The following PPP2R5D variants were observed in gnomAD, a reference collection of about 807,000 sequenced individuals.
PPP2R5D encodes serine/threonine-protein phosphatase 2A 56 kDa regulatory subunit delta isoform.
Under a neutral mutation model 79.1 loss-of-function variants are expected in PPP2R5D, and 12 were observed. That is an observed-to-expected ratio of 0.15 (90% CI 0.10 to 0.25). The LOEUF is 0.25. Ranked by LOEUF, PPP2R5D falls within the 10% of genes least tolerant of loss-of-function variation. The probability of loss-of-function intolerance (pLI) is 1.00; values close to 1 mark genes in which losing one functional copy is unlikely to be tolerated. For missense variants in PPP2R5D, 419 were observed against 760.2 expected (o/e 0.55, Z 5.28); for synonymous variants, 277 against 286.6 (o/e 0.97, Z 0.34).
Position 43,012,293 on chromosome 6 carries a change from G to C in PPP2R5D, c.*1007G>C. On this transcript the variant is annotated 3_prime_UTR_variant, in exon 16 of 16. Transcript: ENST00000485511. ...ATACATGCTAAGGTGGGTTGGGCTTGGACCGATGTCCCCATATGTACAGAA... is the reference window on the plus strand; with the variant it reads ...ATACATGCTAAGGTGGGTTGGGCTTCGACCGATGTCCCCATATGTACAGAA... 1 of 1,383,328 alleles carries C rather than the reference G, an allele frequency of 7.2e-7. No individual in the cohort carries two copies. Among genetic ancestry groups the C allele is most frequent in the Non-Finnish European group, 9.4e-7 (1 of 1,067,570 alleles). 85.7% of individuals were successfully genotyped at this position (1,383,328 alleles called of 1,614,324 possible).
rs1770682444 is a variant in PPP2R5D, at chr6:42,984,624, A to AAGCCGG, written c.-44_-39dup. 15 of 1,563,658 alleles carry AAGCCGG rather than the reference A, an allele frequency of 9.6e-6. No individual in the cohort carries two copies. The highest frequency in any genetic ancestry group is 1.3e-5 in the Non-Finnish European group (15 of 1,156,172). On this transcript the variant is annotated 5_prime_UTR_variant, in exon 1 of 16. Coordinates refer to ENST00000485511, the MANE Select transcript of PPP2R5D (RefSeq NM_006245.4). ...CGAGCGGGCCGAGTGCGGCCGAGCA[A>AAGCCGG]AGCCGGAGCCGGAGCGGGGCCGCAG...
rs1771081899 is a variant in PPP2R5D, at chr6:42,989,277, T to G, written c.28-334T>G. ...CCAGTGAGCAGCTGTTCCCTGATGC[T>G]TTTTCTTTAAGCCTCCTCACCCTGG... On this transcript the variant is annotated intron_variant, in intron 1 of 15. Coordinates refer to ENST00000485511, the MANE Select transcript of PPP2R5D (RefSeq NM_006245.4). 1.3e-5 allele frequency among the ~76,000 whole-genome samples: 2 copies of G among 152,160 alleles called. 1 individual carries two copies. The highest frequency in any genetic ancestry group is 4.1e-4 in the South Asian group (2 of 4,824).
intron 2 of PPP2R5D, among the ~76,000 whole-genome samples, chr6:42,995,554 A>G (rs1248575706): frequency 7.2e-6 from 1 of 139,160 alleles, no homozygotes; most frequent in Non-Finnish European, 1.5e-5. Context: ...ACTCATGTTT[A>G]TTCTTTTTTT....
chr6:43,006,375 C>T lies in PPP2R5D; in HGVS notation c.106-88C>T, dbSNP rs956829158. ...CAGCTGCTCACTGCCCAGGCCTGTG[C>T]AGGCATAAACAGACTTGGGGATGGC... On this transcript the variant is annotated intron_variant, in intron 2 of 15. Coordinates refer to ENST00000485511, the MANE Select transcript of PPP2R5D (RefSeq NM_006245.4). The surrounding 1 kb of genome is among the most constrained non-coding windows in gnomAD (Gnocchi z 4.7). 538 of 1,524,390 alleles carry T rather than the reference C, an allele frequency of 3.5e-4. No individual in the cohort carries two copies. The highest frequency in any genetic ancestry group is 4.6e-4 in the Non-Finnish European group (521 of 1,135,828). 94.4% of individuals were successfully genotyped at this position (1,524,390 alleles called of 1,614,324 possible).
chr6:43,003,926 G>A (rs181827532), intron 2 of PPP2R5D, among the ~76,000 whole-genome samples: 3 of 151,672 alleles, frequency 2.0e-5, no homozygotes, highest in African/African-American at 7.3e-5. Flanking sequence ...AGTAGAGACG[G>A]GGTGGATGGT....
intron 2 of PPP2R5D, among the ~76,000 whole-genome samples, chr6:43,003,256 C>T (rs1241449013): frequency 6.6e-6 from 1 of 151,956 alleles, no homozygotes. Context: ...AACCCCATCT[C>T]TACAAAAAAT....
intron 2 of PPP2R5D, among the ~76,000 whole-genome samples, chr6:42,999,437 G>A (rs1255809352): frequency 6.6e-6 from 1 of 152,210 alleles, no homozygotes; most frequent in Admixed American, 6.5e-5. Context: ...GCTCAGTGGG[G>A]TAGGGGGCAG....
intron 1 of PPP2R5D, among the ~76,000 whole-genome samples, chr6:42,989,282 C>G (rs1771082086): frequency 6.6e-6 from 1 of 152,128 alleles, no homozygotes; most frequent in Non-Finnish European, 1.5e-5. Flanking sequence ...GATGCTTTTT[C>G]TTTAAGCCTC....
At position 43,009,751 on chromosome 6, in the gene PPP2R5D, T is replaced by C. The variant is rs922074013; in HGVS notation, c.1379+302T>C. Among the ~76,000 whole-genome samples, 2 of 152,148 alleles carry C rather than the reference T, an allele frequency of 1.3e-5. No homozygotes were observed. The highest frequency in any genetic ancestry group is 2.9e-5 in the Non-Finnish European group (2 of 68,034). On this transcript the variant is annotated intron_variant, in intron 12 of 15. Coordinates refer to ENST00000485511, the MANE Select transcript of PPP2R5D (RefSeq NM_006245.4). This position sits in a 1 kb window ranked among gnomAD's most constrained non-coding sequence, Gnocchi z 5.6. ...GCAGTGAGAAGCTGATGTGACCTTCTTTGAGAGTATGTGTAAAGAATCCCA... is the reference window on the plus strand; with the variant it reads ...GCAGTGAGAAGCTGATGTGACCTTCCTTGAGAGTATGTGTAAAGAATCCCA...
chr6:43,002,555 T>A (rs1761803103), intron 2 of PPP2R5D, among the ~76,000 whole-genome samples: 1 of 152,050 alleles, frequency 6.6e-6, no homozygotes, highest in South Asian at 2.1e-4. Flanking sequence ...TTTCTCTTAC[T>A]ACCACTTCCC....
At chr6:42,999,960 G>A (rs891126508) in intron 2 of PPP2R5D, among the ~76,000 whole-genome samples, 1 of 151,544 alleles carries the variant, frequency 6.6e-6, no homozygotes, top group African/African-American at 2.4e-5. Flanking sequence ...TTTTGAGATG[G>A]AGTCTTGCTC....
At position 43,008,824 on chromosome 6, in the gene PPP2R5D, A is replaced by G. The variant is rs1396031776; in HGVS notation, c.1080+78A>G. On this transcript the variant is annotated intron_variant, in intron 10 of 15. Transcript: ENST00000485511. The surrounding 1 kb of genome is among the most constrained non-coding windows in gnomAD (Gnocchi z 4.2). ...CCAGTCTGTACCTACTGGGGGTGCC[A>G]TAAGGGGGAACTCAGGAGGGCTGTG... 2.7e-6 allele frequency: 4 copies of G among 1,505,898 alleles called. No individual in the cohort carries two copies. Among genetic ancestry groups the G allele is most frequent in the Admixed American group, 3.6e-5 (2 of 55,734 alleles). 93.3% of individuals were successfully genotyped at this position (1,505,898 alleles called of 1,614,324 possible).
rs749626379 is a variant in PPP2R5D at position 43,009,218 on chromosome 6, C to A, written c.1242C>A (p.Pro414=). The change falls in exon 11 of 16, where the codon CCC becomes CCA. Residue 414 remains proline (P), a synonymous_variant. Transcript: ENST00000485511. The surrounding 1 kb of genome is among the most constrained non-coding windows in gnomAD (Gnocchi z 5.6). ...AGCTGGCCAAGTGTGTCTCTAGCCC[C>A]CATTTCCAGGTGAGACTCCAACCTA... ...FRQLAKCVSS[P]HFQVAERALY... 3 of 1,614,020 alleles carry A rather than the reference C, an allele frequency of 1.9e-6. No individual in the cohort carries two copies. The highest frequency in any genetic ancestry group is 2.5e-6 in the Non-Finnish European group (3 of 1,180,034).
At position 43,007,437 on chromosome 6, in the gene PPP2R5D, T is replaced by G; in HGVS notation, c.657T>G (p.Arg219=). The G allele has an allele frequency of 6.2e-7, 1 of 1,613,624 alleles. No homozygotes were observed. The highest frequency in any genetic ancestry group is 8.5e-7 in the Non-Finnish European group (1 of 1,179,512). ...HLQLVYEFFL[R]FLESPDFQPN... Reference sequence around the variant, plus strand: ...AGCTCGTGTATGAGTTCTTCTTACGTTTCCTTGAGTCTCCTGATTTCCAGC... The same window carrying G: ...AGCTCGTGTATGAGTTCTTCTTACGGTTCCTTGAGTCTCCTGATTTCCAGC... Residue 219 remains arginine, a synonymous_variant, in exon 6 of 16, where the codon CGT becomes CGG. Coordinates refer to ENST00000485511, the MANE Select transcript of PPP2R5D (RefSeq NM_006245.4). The surrounding 1 kb of genome is among the most constrained non-coding windows in gnomAD (Gnocchi z 4.5).
chr6:42,986,284 G>A (rs1770840236), intron 1 of PPP2R5D, among the ~76,000 whole-genome samples: 1 of 152,116 alleles, frequency 6.6e-6, no homozygotes, highest in Non-Finnish European at 1.5e-5. Flanking sequence ...TCCTCTCCTG[G>A]GGCTGGCCCT....
rs748788574 is a variant in PPP2R5D, at chr6:43,011,237, C to A, written c.1760C>A (p.Ala587Glu). 3 of 1,614,084 alleles carry A rather than the reference C, an allele frequency of 1.9e-6. 1 individual carries two copies. The East Asian group carries it at 6.7e-5, about 36-fold the overall frequency. ...QDVYTIKALE[A>E]HKRAEEFLTA... ...GTGTACACCATCAAGGCACTGGAGGCGCACAAGCGGGCGGAAGAGTTCCTA... is the reference window on the plus strand; with the variant it reads ...GTGTACACCATCAAGGCACTGGAGGAGCACAAGCGGGCGGAAGAGTTCCTA... Residue 587 changes from alanine (A) to glutamate (E), a missense_variant, in exon 16 of 16, where the codon GCG (alanine) becomes GAG (glutamate). This residue lies in a region of PPP2R5D where 84 missense variants were observed against 105.4 expected (regional missense o/e 0.80). Coordinates refer to ENST00000485511, the MANE Select transcript of PPP2R5D (RefSeq NM_006245.4).
Position 43,011,189 on chromosome 6 carries a change from G to T in PPP2R5D, c.1712G>T (p.Arg571Met). ...DIKKEKVLLR[R>M]KSELPQDVYT... ...AAGAAGGAGAAAGTGCTGCTGCGGA[G>T]GAAGTCGGAGCTGCCCCAGGACGTG... is the stretch of plus-strand genomic sequence containing the variant. The change falls in exon 16 of 16, where the codon AGG becomes ATG. Residue 571 changes from arginine (R) to methionine (M), a missense_variant. Around this residue, in one of 5 missense-constraint regions of PPP2R5D, gnomAD observed 84 missense variants for 105.4 expected, o/e 0.80. Coordinates refer to ENST00000485511, the MANE Select transcript of PPP2R5D (RefSeq NM_006245.4). 6.2e-7 allele frequency: 1 copy of T among 1,614,146 alleles called. No homozygotes were observed.
At position 43,006,581 on chromosome 6, in the gene PPP2R5D, CAG is replaced by C. The variant is rs1478715149; in HGVS notation, c.225_226del (p.Gly77AlafsTer53). ...ACGCAGCTCAGCAAAATCAAGTACT[CAG>C]GGGGGCCCCAGATTGTCAAGAAGGA... On this transcript the variant is annotated frameshift_variant, in exon 3 of 16. Coordinates refer to ENST00000485511, the MANE Select transcript of PPP2R5D (RefSeq NM_006245.4). LOFTEE classifies it high-confidence loss of function. This position sits in a 1 kb window ranked among gnomAD's most constrained non-coding sequence, Gnocchi z 4.7. The C allele has an allele frequency of 3.1e-6, 5 of 1,614,036 alleles. No individual in the cohort carries two copies. Among genetic ancestry groups the C allele is most frequent in the Non-Finnish European group, 4.2e-6 (5 of 1,180,042 alleles).
Position 43,008,102 on chromosome 6 carries a change from C to T in PPP2R5D, c.857+37C>T, listed in dbSNP as rs780121115. The T allele has an allele frequency of 1.2e-6, 2 of 1,612,424 alleles. No individual in the cohort carries two copies. Among genetic ancestry groups the T allele is most frequent in the East Asian group, 2.2e-5 (1 of 44,882 alleles). On this transcript the variant is annotated intron_variant, in intron 7 of 15. Coordinates refer to ENST00000485511, the MANE Select transcript of PPP2R5D (RefSeq NM_006245.4). The surrounding 1 kb of genome is among the most constrained non-coding windows in gnomAD (Gnocchi z 4.2). The stretch of plus-strand genomic sequence containing the variant: ...AGCCCAGGCTTAGGAGCAAAACCTT[C>T]TGCTACTGAGGTGGGGTGGGAGCAG...
Sources: gnomAD v4.1 joint callset for allele counts (sites outside exome capture counted in the v4.1 genomes callset) on GRCh38, gnomAD v4.1.1 for gene constraint, gnomAD v4.1.1 regional missense constraint, Gnocchi (gnomAD v3.1) non-coding constraint, MANE v1.5 for transcripts, NCBI Gene and HGNC (gene_info 2026-07-23, HGNC 2026-07-21) for gene names.